The following FOSL1 variants were observed in gnomAD, a reference collection of about 807,000 sequenced individuals.
The protein encoded by FOSL1 is fos-related antigen 1.
In FOSL1, 14 loss-of-function variants were observed where a neutral mutation model predicts 24.9. The ratio of observed to expected loss-of-function variants is 0.56; its 90% CI spans 0.37 to 0.88. The LOEUF (loss-of-function observed/expected upper bound fraction) is 0.88, where lower values mean the gene tolerates loss of function less well. Ranked by LOEUF, FOSL1 falls within the 40% of genes least tolerant of loss-of-function variation. FOSL1 has a pLI of 0.00. For synonymous variants in FOSL1, 133 were observed against 145.1 expected, an observed-to-expected ratio of 0.92 and a Z score of 0.60; for missense variants, 318 against 359.8, an observed-to-expected ratio of 0.88 and a Z score of 0.94.
intron 1 of FOSL1, among the ~76,000 whole-genome samples, chr11:65,898,379 C>T (rs1270315578): frequency 6.6e-6 from 1 of 151,956 alleles, no homozygotes; most frequent in African/African-American, 2.4e-5. Context: ...GAGACAGGGT[C>T]TCACTAGGTT....
chr11:65,895,867 G>A (rs1591087572), intron 2 of FOSL1, among the ~76,000 whole-genome samples: 1 of 152,078 alleles, frequency 6.6e-6, no homozygotes. Flanking sequence ...AATGCCCCAG[G>A]GAGAGGAAAG....
Position 65,893,150 on chromosome 11 carries a change from G to A in FOSL1, c.552C>T (p.Gly184=). ...IPEGAKEGDT[G]STSGTSSPPA... is the part of the protein sequence containing the mutation. The stretch of plus-strand genomic sequence containing the variant: ...GTGGGCTGCTGGTGCCACTGGTACT[G>A]CCTGTGTCCCCCTCCTTGGCTCCTT... The change falls in exon 4 of 4, where the codon GGC becomes GGT. Residue 184 remains glycine, a synonymous_variant. Coordinates refer to ENST00000312562, the MANE Select transcript of FOSL1 (RefSeq NM_005438.5). The A allele has an allele frequency of 6.2e-6, 10 of 1,613,422 alleles. No homozygotes were observed. The highest frequency in any genetic ancestry group is 8.5e-6 in the Non-Finnish European group (10 of 1,179,954).
In FOSL1 at chr11:65,894,014, C is replaced by T. The variant is rs1238406013; in HGVS notation, c.405G>A (p.Ala135=). Residue 135 remains alanine, a splice_region_variant and synonymous_variant, in exon 3 of 4, where the codon GCG becomes GCA. Transcript: ENST00000312562. Reference sequence around the variant, plus strand: ...TCGGTGGACCAGGGCTGGTGCTCACCGCCTGCAGGAAGTCGGTCAGTTCCT... The same window carrying T: ...TCGGTGGACCAGGGCTGGTGCTCACTGCCTGCAGGAAGTCGGTCAGTTCCT... ...RRKELTDFLQ[A]ETDKLEDEKS... is the part of the protein sequence containing the mutation. The T allele has an allele frequency of 1.6e-5, 25 of 1,579,432 alleles. No individual in the cohort carries two copies. Among genetic ancestry groups the T allele is most frequent in the South Asian group, 5.8e-5 (5 of 86,270 alleles).
chr11:65,895,709 C>T (rs1162509172), intron 2 of FOSL1, among the ~76,000 whole-genome samples: 1 of 152,152 alleles, frequency 6.6e-6, no homozygotes, highest in Non-Finnish European at 1.5e-5. Context: ...ATACCACAGT[C>T]CCTCCTCACC....
At chr11:65,895,522 C>A (rs1860506081) in intron 2 of FOSL1, among the ~76,000 whole-genome samples, 1 of 152,214 alleles carries the variant, frequency 6.6e-6, no homozygotes, top group Non-Finnish European at 1.5e-5. Flanking sequence ...CCATAGAACT[C>A]ACTCACTCTA....
At chr11:65,897,532 G>A (rs1177106875) in intron 1 of FOSL1, among the ~76,000 whole-genome samples, 1 of 151,794 alleles carries the variant, frequency 6.6e-6, no homozygotes, top group Admixed American at 6.6e-5. Context: ...TAGAGACAGG[G>A]TTTCACCATG....
At chr11:65,900,481 C>G, upstream of FOSL1, 1 of 430,288 alleles carries the variant, frequency 2.3e-6, no homozygotes, top group Non-Finnish European at 3.9e-6. Context: ...TGCAGCGGCG[C>G]GGTCACCTCC....
chr11:65,899,907 C>T (rs1860629178), intron 1 of FOSL1, among the ~76,000 whole-genome samples: 1 of 152,214 alleles, frequency 6.6e-6, no homozygotes, highest in African/African-American at 2.4e-5. Flanking sequence ...GCCTTCGAGG[C>T]GACCACCCTA....
Position 65,894,028 on chromosome 11 carries a change from C to T in FOSL1, c.391G>A (p.Asp131Asn), listed in dbSNP as rs145226916. ...CTGGTGCTCACCGCCTGCAGGAAGTCGGTCAGTTCCTTCCTCCGGTTCCTG... is the reference window on the plus strand; with the variant it reads ...CTGGTGCTCACCGCCTGCAGGAAGTTGGTCAGTTCCTTCCTCCGGTTCCTG... ...KCRNRRKELT[D>N]FLQAETDKLE... Residue 131 changes from aspartate to asparagine, a missense_variant, in exon 3 of 4, where the codon GAC becomes AAC. Asp to Asn is a conservative substitution (Grantham distance 23, BLOSUM62 1). Transcript: ENST00000312562. 8.9e-5 allele frequency: 142 copies of T among 1,601,898 alleles called. 3 individuals carry two copies. In the Admixed American group the frequency reaches 2.2e-3, roughly 24 times the overall value.
chr11:65,899,024 G>A (rs934040407), intron 1 of FOSL1, among the ~76,000 whole-genome samples: 3 of 151,456 alleles, frequency 2.0e-5, no homozygotes, highest in East Asian at 1.9e-4. Context: ...AGTTATAGTG[G>A]GTTTTTTTTT....
At chr11:65,893,867 A>G (rs1052413481) in intron 3 of FOSL1, 147 bp downstream of exon 3, 10 of 673,674 alleles carry the variant, frequency 1.5e-5, no homozygotes, top group Non-Finnish European at 2.7e-5. Context: ...GCCAGTTTCT[A>G]ATCAATTTTT....
intron 1 of FOSL1, among the ~76,000 whole-genome samples, chr11:65,898,491 C>A (rs1306550813): frequency 6.6e-6 from 1 of 152,140 alleles, no homozygotes; most frequent in Admixed American, 6.5e-5. Flanking sequence ...GGCAGGCTGT[C>A]CCAATTCTAA....
At chr11:65,899,305 C>G (rs1320682484) in intron 1 of FOSL1, among the ~76,000 whole-genome samples, 2 of 152,226 alleles carry the variant, frequency 1.3e-5, no homozygotes, top group Admixed American at 6.5e-5. Flanking sequence ...GACCCCAGTT[C>G]CGGGTCCGAG....
chr11:65,898,521 A>G (rs1412098005), intron 1 of FOSL1, among the ~76,000 whole-genome samples: 1 of 152,120 alleles, frequency 6.6e-6, no homozygotes, highest in Non-Finnish European at 1.5e-5. Context: ...TCAGCTACTT[A>G]CTGGCTGTGT....
Position 65,892,987 on chromosome 11 carries a change from T to G in FOSL1, c.715A>C (p.Ser239Arg). Residue 239 changes from serine (S) to arginine (R), a missense_variant, in exon 4 of 4, where the codon AGC (serine) becomes CGC (arginine). Coordinates refer to ENST00000312562, the MANE Select transcript of FOSL1 (RefSeq NM_005438.5). ...GCTGAGGCACAAGGCTCAGGAGTGC[T>G]GGGGTAGGTGAAGACCAGGCTGGGG... ...FTPSLVFTYP[S>R]TPEPCASAHR... The G allele has an allele frequency of 6.2e-7, 1 of 1,612,728 alleles. No individual in the cohort carries two copies. Among genetic ancestry groups the G allele is most frequent in the Non-Finnish European group, 8.5e-7 (1 of 1,179,966 alleles).
intron 1 of FOSL1, 147 bp from the exon 2 acceptor site, chr11:65,897,153 C>G: frequency 1.5e-6 from 1 of 650,990 alleles, no homozygotes; most frequent in South Asian, 1.9e-5. Context: ...AGAGACTGAC[C>G]TGGTGGCAAA....
chr11:65,896,521 AC>A (rs1399948957), intron 2 of FOSL1, among the ~76,000 whole-genome samples: 2 of 151,764 alleles, frequency 1.3e-5, no homozygotes, highest in East Asian at 1.9e-4. Flanking sequence ...TGCTCCTGCC[AC>A]CCCCGCTACC....
chr11:65,899,309 G>A (rs1169028183), intron 1 of FOSL1, among the ~76,000 whole-genome samples: 1 of 152,208 alleles, frequency 6.6e-6, no homozygotes, highest in Admixed American at 6.5e-5. Context: ...CCAGTTCCGG[G>A]TCCGAGGCAC....
intron 1 of FOSL1, among the ~76,000 whole-genome samples, chr11:65,899,556 A>C (rs1481413745): frequency 1.3e-5 from 2 of 152,176 alleles, no homozygotes; most frequent in Non-Finnish European, 2.9e-5. Context: ...TGGGGTCGCG[A>C]GAGTCGCCCG....
Sources: gnomAD v4.1 joint callset for allele counts (sites outside exome capture counted in the v4.1 genomes callset) on GRCh38, gnomAD v4.1.1 for gene constraint, MANE v1.5 for transcripts, NCBI Gene and HGNC (gene_info 2026-07-23, HGNC 2026-07-21) for gene names.